The following FHL2 variants were observed in gnomAD, a reference collection of about 807,000 sequenced individuals.
FHL2 encodes four and a half LIM domains 2.
A neutral mutation model predicts 32.7 loss-of-function variants in FHL2; 20 were observed. The ratio of observed to expected loss-of-function variants is 0.61; its 90% confidence interval spans 0.43 to 0.89. The LOEUF (loss-of-function observed/expected upper bound fraction) is 0.89. Among genes scored for constraint, FHL2 ranks in the 40% least tolerant of loss-of-function variants. The pLI is 0.00. For synonymous variants in FHL2, 123 were observed against 128.1 expected, an observed-to-expected ratio of 0.96 and a Z score of 0.27; for missense variants, 311 against 358.6, an observed-to-expected ratio of 0.87 and a Z score of 1.07.
rs529057198 is a variant in FHL2 at position 105,437,985 on chromosome 2, C to CTGTGGT, written c.-25+408_-25+413dup. Among the ~76,000 whole-genome samples, 66 of 152,322 alleles carry CTGTGGT rather than the reference C, an allele frequency of 4.3e-4. No homozygotes were observed. In the Middle Eastern group the frequency reaches 0.01, roughly 24 times the overall value. On this transcript the variant is annotated intron_variant, in intron 1 of 5. Transcript: ENST00000393352. ...GTCAGGGAGAAAAAGTTCAAGTGCACTGTGGTTTTCTCCCTTTCCAATGTT... is the reference window on the plus strand; with the variant it reads ...GTCAGGGAGAAAAAGTTCAAGTGCACTGTGGTTGTGGTTTTCTCCCTTTCCAATGTT...
At chr2:105,406,051 G>A (rs1683621870) in intron 1 of FHL2, among the ~76,000 whole-genome samples, 1 of 152,178 alleles carries the variant, frequency 6.6e-6, no homozygotes, top group Admixed American at 6.5e-5. Flanking sequence ...GTTCTAGAGA[G>A]CATGTTTAGG....
At chr2:105,363,843 C>T (rs1267178414) in intron 5 of FHL2, among the ~76,000 whole-genome samples, 1 of 152,186 alleles carries the variant, frequency 6.6e-6, no homozygotes, top group Non-Finnish European at 1.5e-5. Flanking sequence ...TGAATCCTAA[C>T]CCTACTCCTT....
chr2:105,399,645 C>A, upstream of FHL2: 1 of 1,492,916 alleles, frequency 6.7e-7, no homozygotes, highest in African/African-American at 1.4e-5. Flanking sequence ...TTGGATTCCC[C>A]TCCAGGGCGG....
At chr2:105,433,179 CTTCTTTT>C (rs1352849881) in intron 1 of FHL2, among the ~76,000 whole-genome samples, 18 of 137,776 alleles carry the variant, frequency 1.3e-4, no homozygotes, top group Admixed American at 1.1e-3. Context: ...TCTTCTTCTT[CTTCTTTT>C]TTTTTTTTTT....
At chr2:105,377,847 T>C (rs1428721030) in intron 3 of FHL2, 6 of 354,404 alleles carry the variant, frequency 1.7e-5, no homozygotes, top group Non-Finnish European at 2.2e-5. Flanking sequence ...GAGGAGATCC[T>C]TGGCCTCTCT....
chr2:105,389,837 T>C (rs1252681450), intron 2 of FHL2: 1 of 152,232 alleles, frequency 6.6e-6, no homozygotes, highest in Non-Finnish European at 1.5e-5. Flanking sequence ...ACACCTGTTT[T>C]CCTCTGAGGT....
At chr2:105,400,463 GACA>G (rs2104640272), upstream of FHL2, among the ~76,000 whole-genome samples, 1 of 151,524 alleles carries the variant, frequency 6.6e-6, no homozygotes, top group Admixed American at 6.6e-5. Flanking sequence ...TAAGTGTCAA[GACA>G]GGCTAGTATT....
chr2:105,425,630 T>C (rs1416414274), intron 1 of FHL2, among the ~76,000 whole-genome samples: 1 of 152,178 alleles, frequency 6.6e-6, no homozygotes, highest in African/African-American at 2.4e-5. Flanking sequence ...GGAGAAAAGC[T>C]GCCCTGTGGC....
At chr2:105,402,111 A>G (rs1239270420), upstream of FHL2, among the ~76,000 whole-genome samples, 1 of 149,062 alleles carries the variant, frequency 6.7e-6, no homozygotes, top group East Asian at 2.0e-4. Flanking sequence ...ATATACACGT[A>G]TATATACATA....
intron 3 of FHL2, among the ~76,000 whole-genome samples, chr2:105,380,717 C>G (rs1369712226): frequency 9.9e-5 from 15 of 151,972 alleles, no homozygotes; most frequent in Admixed American, 9.2e-4. Context: ...GACAGACTTG[C>G]TCAAGAACTT....
intron 3 of FHL2, among the ~76,000 whole-genome samples, chr2:105,381,809 AC>A (rs547083909): frequency 1.8e-3 from 267 of 152,248 alleles, no homozygotes; most frequent in Admixed American, 3.3e-3. Flanking sequence ...CTTAAAAACC[AC>A]CCCAACAAAT....
intron 1 of FHL2, among the ~76,000 whole-genome samples, chr2:105,421,904 A>T (rs1247221987): frequency 6.6e-6 from 1 of 152,208 alleles, no homozygotes; most frequent in African/African-American, 2.4e-5. Flanking sequence ...AATGGAAAAG[A>T]TGTTTCTATT....
chr2:105,426,752 A>G (rs1487413965), intron 1 of FHL2, among the ~76,000 whole-genome samples: 1 of 152,228 alleles, frequency 6.6e-6, no homozygotes, highest in Non-Finnish European at 1.5e-5. Flanking sequence ...CACGCACAGC[A>G]ACACCCAGCA....
At chr2:105,430,911 A>G (rs1191212178) in intron 1 of FHL2, among the ~76,000 whole-genome samples, 1 of 152,206 alleles carries the variant, frequency 6.6e-6, no homozygotes, top group African/African-American at 2.4e-5. Context: ...CATTATGTCC[A>G]ATCACATTTT....
At chr2:105,397,881 G>GTTTTTTTTTT (rs749684273) in intron 1 of FHL2, among the ~76,000 whole-genome samples, 2 of 116,302 alleles carry the variant, frequency 1.7e-5, no homozygotes, top group African/African-American at 6.2e-5. Context: ...TTGTTTTTTT[G>GTTTTTTTTTT]TTTTTTGTTT....
intron 4 of FHL2, 103 bp from the exon 5 acceptor site, chr2:105,367,842 G>A: frequency 8.4e-7 from 1 of 1,196,126 alleles, no homozygotes; most frequent in South Asian, 1.5e-5. Context: ...TTTATGACCA[G>A]AGCAAGCCAC....
intron 1 of FHL2, among the ~76,000 whole-genome samples, chr2:105,422,694 A>G (rs963134675): frequency 2.8e-4 from 42 of 150,566 alleles, no homozygotes; most frequent in Non-Finnish European, 5.5e-4. Context: ...TCAAAATTAA[A>G]TACTGTCTGG....
chr2:105,358,625 T>C (rs1680103798), downstream of FHL2: 1 of 152,254 alleles, frequency 6.6e-6, no homozygotes, highest in Non-Finnish European at 1.5e-5. Flanking sequence ...TAGTGGATTT[T>C]CCTGAATGAA....
intron 2 of FHL2, 102 bp downstream of exon 2, chr2:105,396,545 G>C (rs1206845442): frequency 2.0e-6 from 2 of 1,000,582 alleles, no homozygotes; most frequent in East Asian, 4.9e-5. Flanking sequence ...GAATGTTTGG[G>C]CACCGCATGG....
Sources: allele counts gnomAD v4.1 joint callset (sites outside exome capture counted in the v4.1 genomes callset), GRCh38; gene constraint gnomAD v4.1.1; transcripts MANE v1.5; gene names NCBI Gene and HGNC (gene_info 2026-07-23, HGNC 2026-07-21).